RCC1L: variants seen among roughly 807,000 people sequenced by gnomAD.
RCC1L encodes RCC1-like G exchanging factor-like protein.
RCC1L carries 46 observed loss-of-function variants against 58.6 expected under a neutral mutation model. The ratio of observed to expected loss-of-function variants is 0.79; its 90% CI spans 0.62 to 1.00. RCC1L has a LOEUF of 1.00. RCC1L is among the 50% of genes least tolerant of loss of function. The pLI is 0.00. For synonymous variants in RCC1L, 281 were observed against 262.9 expected (o/e 1.07, Z -0.67); for missense variants, 636 against 623.6 (o/e 1.02, Z -0.21).
intron 8 of RCC1L, chr7:75,056,674 TCTCCA>T (rs1381028466): frequency 2.3e-5 from 36 of 1,535,302 alleles, no homozygotes; most frequent in Non-Finnish European, 3.1e-5. Context: ...AGTAGTTCGC[TCTCCA>T]CTCCAGAGGT....
chr7:75,051,323 TACACAC>T (rs1175274941), intron 10 of RCC1L, among the ~76,000 whole-genome samples: 2 of 147,984 alleles, frequency 1.4e-5, no homozygotes, highest in Non-Finnish European at 3.0e-5. Flanking sequence ...CACACATATA[TACACAC>T]ACACACACAT....
chr7:75,039,625 G>T (rs969175738), downstream of RCC1L, among the ~76,000 whole-genome samples: 3 of 152,098 alleles, frequency 2.0e-5, no homozygotes, highest in East Asian at 1.9e-4. Flanking sequence ...GAGGGAGATG[G>T]GGGGGAGGCC....
intron 6 of RCC1L, 39 bp from the exon 7 acceptor site, chr7:75,058,808 C>G: frequency 6.2e-7 from 1 of 1,611,748 alleles, no homozygotes; most frequent in African/African-American, 1.3e-5. Flanking sequence ...ATTATTCGCT[C>G]TTTTAACAAA....
chr7:75,066,052 C>T (rs976685374), intron 3 of RCC1L, among the ~76,000 whole-genome samples: 5 of 150,254 alleles, frequency 3.3e-5, no homozygotes, highest in African/African-American at 1.2e-4. Context: ...CGTCTACACA[C>T]CACCCAGCTC....
At chr7:75,065,729 C>T (rs1217878796) in intron 3 of RCC1L, among the ~76,000 whole-genome samples, 5 of 152,032 alleles carry the variant, frequency 3.3e-5, no homozygotes, top group Non-Finnish European at 7.4e-5. Context: ...TAGAAAAAGC[C>T]ACTTCCGGCC....
chr7:75,073,559 C>T lies in RCC1L; in HGVS notation c.179G>A (p.Arg60His). ...YVGERAARAD[R>H]VFVWGFSFSG... The stretch of plus-strand genomic sequence containing the variant: ...GAAGCTGAAGCCCCACACGAAGACG[C>T]GATCGGCGCGGGCAGCGCGCTCGCC... Residue 60 changes from arginine to histidine, a missense_variant, in exon 1 of 11, where the codon CGC becomes CAC. Physicochemically the swap from Arg to His is conservative, Grantham distance 29. Transcript: ENST00000610322. The T allele has an allele frequency of 6.6e-7, 1 of 1,508,618 alleles. No individual in the cohort carries two copies. The highest frequency in any genetic ancestry group is 1.2e-5 in the South Asian group (1 of 80,204). The allele number at this position is 1,508,618 out of a possible 1,614,324, so 93.5% of individuals were successfully genotyped here. A position where few individuals can be genotyped will look rare whatever the true frequency, so the allele number is the denominator to read the frequency against.
Position 75,073,577 on chromosome 7 carries a change from C to G in RCC1L, c.161G>C (p.Arg54Pro). Residue 54 changes from arginine (R) to proline (P), a missense_variant, in exon 1 of 11, where the codon CGC becomes CCC. Transcript: ENST00000610322. ...EVPVVQYVGE[R>P]AARADRVFVW... ...GAAGACGCGATCGGCGCGGGCAGCG[C>G]GCTCGCCCACGTACTGGACCACGGG... 1 of 1,512,946 alleles carries G rather than the reference C, an allele frequency of 6.6e-7. No homozygotes were observed. Among genetic ancestry groups the G allele is most frequent in the Non-Finnish European group, 8.8e-7 (1 of 1,140,312 alleles). 93.7% of individuals were successfully genotyped at this position (1,512,946 alleles called of 1,614,324 possible).
chr7:75,057,663 G>C, intron 7 of RCC1L, 47 bp from the exon 8 acceptor site: 1 of 1,582,794 alleles, frequency 6.3e-7, no homozygotes, highest in Non-Finnish European at 8.7e-7. Flanking sequence ...AAGCCAGTAA[G>C]GACCGGGAAG....
At chr7:75,041,129 T>C (rs1805550347), downstream of RCC1L, among the ~76,000 whole-genome samples, 1 of 151,922 alleles carries the variant, frequency 6.6e-6, no homozygotes, top group African/African-American at 2.4e-5. Flanking sequence ...GAGATAGAAT[T>C]GCTTGAACCG....
chr7:75,039,859 C>T (rs1421024702), downstream of RCC1L, among the ~76,000 whole-genome samples: 1 of 152,100 alleles, frequency 6.6e-6, no homozygotes, highest in Non-Finnish European at 1.5e-5. Context: ...TTTGCAGGAA[C>T]ACGATGATCA....
chr7:75,047,543 G>A (rs1422216872), intron 10 of RCC1L, among the ~76,000 whole-genome samples: 1 of 152,204 alleles, frequency 6.6e-6, no homozygotes, highest in Non-Finnish European at 1.5e-5. Context: ...GATTATAGGC[G>A]TTGAGTTACC....
intron 2 of RCC1L, among the ~76,000 whole-genome samples, chr7:75,067,490 G>A (rs1173823655): frequency 2.0e-5 from 3 of 151,556 alleles, no homozygotes; most frequent in Non-Finnish European, 4.4e-5. Flanking sequence ...TTAGCCAGAC[G>A]TGATGGTGGA....
intron 8 of RCC1L, chr7:75,056,722 T>C: frequency 6.5e-7 from 1 of 1,535,478 alleles, no homozygotes; most frequent in Non-Finnish European, 8.7e-7. Flanking sequence ...TGTGGCCATG[T>C]ATCTACAGAT....
chr7:75,040,317 G>T (rs1049562155), downstream of RCC1L, among the ~76,000 whole-genome samples: 1 of 152,100 alleles, frequency 6.6e-6, no homozygotes, highest in South Asian at 2.1e-4. Flanking sequence ...AAAATTAGCC[G>T]GGCGTGGTAG....
intron 4 of RCC1L, among the ~76,000 whole-genome samples, chr7:75,063,881 C>G (rs1200579647): frequency 2.0e-5 from 3 of 151,812 alleles, no homozygotes; most frequent in Non-Finnish European, 4.4e-5. Flanking sequence ...GATCTCACCA[C>G]TGCACTCCAG....
intron 6 of RCC1L, 29 bp from the exon 7 acceptor site, chr7:75,058,798 A>G: frequency 6.2e-7 from 1 of 1,613,520 alleles, no homozygotes; most frequent in Middle Eastern, 1.7e-4. Context: ...CAGATTTTTA[A>G]TTATTCGCTC....
exon 11 of RCC1L, chr7:75,028,030 A>C: frequency 1.3e-6 from 2 of 1,534,602 alleles, no homozygotes; most frequent in Non-Finnish European, 1.7e-6. Context: ...CCCCGGAGGT[A>C]ATCAGAGGAG....
intron 10 of RCC1L, among the ~76,000 whole-genome samples, chr7:75,048,743 G>A (rs1805822446): frequency 6.6e-6 from 1 of 152,354 alleles, no homozygotes; most frequent in East Asian, 1.9e-4. Flanking sequence ...TAGGTCAGAG[G>A]GTCTTGGAAG....
At chr7:75,066,597 T>G (rs1484742604) in intron 3 of RCC1L, 67 bp downstream of exon 3, 5 of 1,600,622 alleles carry the variant, frequency 3.1e-6, no homozygotes, top group Non-Finnish European at 4.3e-6. Context: ...CAGGCCTGAT[T>G]TGAGGCTCCA....
Sources: allele counts gnomAD v4.1 joint callset (sites outside exome capture counted in the v4.1 genomes callset), GRCh38; gene constraint gnomAD v4.1.1; transcripts MANE v1.5; gene names NCBI Gene and HGNC (gene_info 2026-07-23, HGNC 2026-07-21).